Variants in NCAM2 observed in about 807,000 individuals in gnomAD.
NCAM2 encodes the protein neural cell adhesion molecule 2.
NCAM2 carries 30 observed loss-of-function variants against 98.1 expected under a neutral mutation model. That is an observed-to-expected ratio of 0.31 (90% CI 0.23 to 0.41). NCAM2 has a LOEUF of 0.41. NCAM2 is among the 10% of genes least tolerant of loss of function. The pLI, the probability that NCAM2 is intolerant of heterozygous loss-of-function variation, is 1.00. For missense variants in NCAM2, 867 were observed against 1,005.8 expected (o/e 0.86, Z 1.87); for synonymous variants, 368 against 342.4 (o/e 1.07, Z -0.83).
intron 1 of NCAM2, among the ~76,000 whole-genome samples, chr21:21,180,539 T>C (rs2068436096): frequency 6.6e-6 from 1 of 152,206 alleles, no homozygotes; most frequent in Non-Finnish European, 1.5e-5. Context: ...AACTACTCAA[T>C]AATATAATTT....
At chr21:21,068,146 T>C (rs916506118) in intron 1 of NCAM2, among the ~76,000 whole-genome samples, 2 of 146,702 alleles carry the variant, frequency 1.4e-5, no homozygotes, top group African/African-American at 2.5e-5. Context: ...TTTTTTTTTT[T>C]TTTTTTTTGA....
At chr21:21,353,567 A>G (rs993522588) in intron 8 of NCAM2, among the ~76,000 whole-genome samples, 5 of 152,152 alleles carry the variant, frequency 3.3e-5, no homozygotes, top group African/African-American at 4.8e-5. Flanking sequence ...ATAGATTCTC[A>G]GGCCACTCTT....
chr21:21,259,175 C>T (rs938075969), intron 1 of NCAM2, among the ~76,000 whole-genome samples: 1 of 152,134 alleles, frequency 6.6e-6, no homozygotes, highest in Non-Finnish European at 1.5e-5. Context: ...TGGGGCCCAA[C>T]TTCCCCTCCC....
At chr21:21,459,096 G>A (rs775598967) in intron 12 of NCAM2, among the ~76,000 whole-genome samples, 46 of 151,942 alleles carry the variant, frequency 3.0e-4, no homozygotes, top group Non-Finnish European at 5.6e-4. Context: ...TATATGAAAC[G>A]GTGCTCAGTA....
At chr21:21,143,268 T>A (rs1016578078) in intron 1 of NCAM2, among the ~76,000 whole-genome samples, 1 of 152,220 alleles carries the variant, frequency 6.6e-6, no homozygotes, top group South Asian at 2.1e-4. Context: ...ATTATTTTCA[T>A]TTCATTTTAT....
chr21:21,138,354 G>A (rs866429596), intron 1 of NCAM2, among the ~76,000 whole-genome samples: 1 of 152,084 alleles, frequency 6.6e-6, no homozygotes, highest in African/African-American at 2.4e-5. Flanking sequence ...CAAAGCCAGG[G>A]GTTTCAGAGA....
At chr21:21,327,781 CAT>C (rs2147814680) in intron 6 of NCAM2, among the ~76,000 whole-genome samples, 1 of 152,260 alleles carries the variant, frequency 6.6e-6, no homozygotes, top group African/African-American at 2.4e-5. Flanking sequence ...AGGACACCAA[CAT>C]GTGAATTTGA....
chr21:21,412,493 T>C (rs568245911), intron 10 of NCAM2, among the ~76,000 whole-genome samples: 1 of 148,964 alleles, frequency 6.7e-6, no homozygotes, highest in Non-Finnish European at 1.5e-5. Flanking sequence ...TTACTTCATC[T>C]TGACATTTTT....
intron 1 of NCAM2, among the ~76,000 whole-genome samples, chr21:21,044,037 G>GTA (rs2064961065): frequency 1.3e-5 from 2 of 151,262 alleles, no homozygotes; most frequent in South Asian, 4.2e-4. Context: ...TGAAGACTTT[G>GTA]TGTGTGTGTG....
At chr21:21,503,380 A>T (rs949230626) in intron 15 of NCAM2, among the ~76,000 whole-genome samples, 12 of 151,932 alleles carry the variant, frequency 7.9e-5, no homozygotes, top group African/African-American at 2.9e-4. Context: ...GAGACTGACA[A>T]TAGAGGGCTG....
chr21:21,510,185 T>C (rs545825555), intron 16 of NCAM2, among the ~76,000 whole-genome samples: 6 of 152,168 alleles, frequency 3.9e-5, no homozygotes, highest in Non-Finnish European at 1.5e-5. Flanking sequence ...TAAAAGGTGT[T>C]TACATTTATG....
intron 6 of NCAM2, among the ~76,000 whole-genome samples, chr21:21,327,306 C>CA (rs11384559): frequency 0.52 from 42,669 of 82,014 alleles, 11,213 homozygotes; most frequent in Non-Finnish European, 0.59. Flanking sequence ...GACTCTGTCT[C>CA]AAAAAAAAAA....
At chr21:21,427,466 C>G (rs1422412996) in intron 11 of NCAM2, among the ~76,000 whole-genome samples, 1 of 152,110 alleles carries the variant, frequency 6.6e-6, no homozygotes. Context: ...AAGCATTACT[C>G]ACAATAGCCA....
At chr21:21,064,744 G>A (rs2065397168) in intron 1 of NCAM2, among the ~76,000 whole-genome samples, 1 of 152,268 alleles carries the variant, frequency 6.6e-6, no homozygotes, top group African/African-American at 2.4e-5. Flanking sequence ...CTCAGGAAAT[G>A]GGTTTTAGCT....
chr21:21,065,914 T>C (rs2065427180), intron 1 of NCAM2, among the ~76,000 whole-genome samples: 1 of 152,170 alleles, frequency 6.6e-6, no homozygotes. Context: ...TTAATGGTCC[T>C]ACTAAAAATT....
intron 1 of NCAM2, among the ~76,000 whole-genome samples, chr21:21,085,212 T>TA (rs200563257): frequency 6.6e-6 from 1 of 151,792 alleles, no homozygotes; most frequent in Non-Finnish European, 1.5e-5. Flanking sequence ...TTTTTTTTTT[T>TA]AATTATAAAG....
intron 8 of NCAM2, among the ~76,000 whole-genome samples, chr21:21,346,443 C>T (rs544465216): frequency 1.3e-5 from 2 of 152,082 alleles, no homozygotes; most frequent in Admixed American, 1.3e-4. Context: ...CTGGAGACTT[C>T]AACACCCAAC....
chr21:21,490,449 T>C (rs535596911), intron 15 of NCAM2, among the ~76,000 whole-genome samples: 106 of 152,102 alleles, frequency 7.0e-4, no homozygotes, highest in Admixed American at 1.4e-3. Context: ...TAAAACTATG[T>C]ATGCTTAAGT....
At chr21:21,193,033 T>C (rs1014407692) in intron 1 of NCAM2, among the ~76,000 whole-genome samples, 7 of 152,168 alleles carry the variant, frequency 4.6e-5, no homozygotes, top group African/African-American at 1.7e-4. Flanking sequence ...CAGATTAACT[T>C]TTCTATTTAA....
Sources: gnomAD v4.1 joint callset for allele counts (sites outside exome capture counted in the v4.1 genomes callset) on GRCh38, gnomAD v4.1.1 for gene constraint, MANE v1.5 for transcripts, NCBI Gene and HGNC (gene_info 2026-07-23, HGNC 2026-07-21) for gene names.